WWOX: variants seen among roughly 807,000 people sequenced by gnomAD.
WWOX encodes WW domain containing oxidoreductase.
WWOX carries 69 observed loss-of-function variants against 46.2 expected under a neutral mutation model. The observed-to-expected ratio is 1.49, with a 90% CI of 1.23 to 1.82. The LOEUF (loss-of-function observed/expected upper bound fraction) is 1.82. Ranked by LOEUF, WWOX falls within the 40% of genes most tolerant of loss-of-function variation. The probability of loss-of-function intolerance (pLI) is 0.00; values close to 1 mark genes in which losing one functional copy is unlikely to be tolerated. For synonymous variants in WWOX, 359 were observed against 202.6 expected (o/e 1.77, Z -6.56); for missense variants, 919 against 542.6 (o/e 1.69, Z -6.89).
At chr16:78,704,815 G>C (rs2048297536) in intron 8 of WWOX, among the ~76,000 whole-genome samples, 1 of 152,102 alleles carries the variant, frequency 6.6e-6, no homozygotes, top group South Asian at 2.1e-4. Flanking sequence ...GAAAACAACT[G>C]AGGCTGAGCA....
intron 8 of WWOX, among the ~76,000 whole-genome samples, chr16:78,999,007 C>G (rs937342812): frequency 2.6e-5 from 4 of 152,312 alleles, no homozygotes; most frequent in African/African-American, 9.6e-5. Flanking sequence ...AATATTCCAC[C>G]TTCTAGGAAC....
intron 8 of WWOX, among the ~76,000 whole-genome samples, chr16:79,008,697 C>G (rs908655695): frequency 9.9e-5 from 15 of 152,226 alleles, no homozygotes; most frequent in Non-Finnish European, 1.6e-4. Flanking sequence ...ACTCCCTTCA[C>G]TCCCTCCAGC....
intron 8 of WWOX, among the ~76,000 whole-genome samples, chr16:78,705,830 C>A (rs551382246): frequency 6.6e-6 from 1 of 152,230 alleles, no homozygotes; most frequent in South Asian, 2.1e-4. Context: ...AAACCCTATT[C>A]CTATTCCTAC....
At chr16:78,865,936 G>A (rs1480105281) in intron 8 of WWOX, among the ~76,000 whole-genome samples, 1 of 152,172 alleles carries the variant, frequency 6.6e-6, no homozygotes, top group Non-Finnish European at 1.5e-5. Flanking sequence ...AATCATATCT[G>A]TGATTGTTTT....
intron 8 of WWOX, among the ~76,000 whole-genome samples, chr16:78,665,278 G>C (rs2047304490): frequency 6.6e-6 from 1 of 152,162 alleles, no homozygotes; most frequent in South Asian, 2.1e-4. Context: ...CTAAGGGAGT[G>C]TAGAGAAGAG....
intron 8 of WWOX, among the ~76,000 whole-genome samples, chr16:78,631,825 C>G (rs1180035595): frequency 3.3e-5 from 5 of 152,150 alleles, no homozygotes. Context: ...CATACCCAGC[C>G]AAAATATTCT....
chr16:78,197,676 G>T (rs1055247223), intron 5 of WWOX, among the ~76,000 whole-genome samples: 1 of 152,238 alleles, frequency 6.6e-6, no homozygotes, highest in African/African-American at 2.4e-5. Context: ...TTTATTGCAT[G>T]CCAAACGTTT....
intron 4 of WWOX, among the ~76,000 whole-genome samples, chr16:78,135,254 G>A (rs1384603241): frequency 2.6e-5 from 4 of 152,174 alleles, no homozygotes; most frequent in Admixed American, 6.5e-5. Context: ...AATGTACCAC[G>A]TGCCTTTTCA....
chr16:78,584,967 G>A (rs1162640255), intron 8 of WWOX, among the ~76,000 whole-genome samples: 1 of 152,198 alleles, frequency 6.6e-6, no homozygotes, highest in East Asian at 1.9e-4. Flanking sequence ...CAACTGAGGT[G>A]CCTGAGGGTT....
intron 5 of WWOX, among the ~76,000 whole-genome samples, chr16:78,306,035 G>A (rs1402563993): frequency 1.3e-5 from 2 of 151,784 alleles, no homozygotes; most frequent in Non-Finnish European, 2.9e-5. Flanking sequence ...CAATCAATTC[G>A]AGCTGTGTTT....
chr16:79,072,395 C>A (rs1429004583), intron 8 of WWOX, among the ~76,000 whole-genome samples: 1 of 152,172 alleles, frequency 6.6e-6, no homozygotes, highest in African/African-American at 2.4e-5. Flanking sequence ...AGGCATGAGA[C>A]CTCCACATGG....
chr16:78,482,102 T>A (rs1454880369), intron 8 of WWOX, among the ~76,000 whole-genome samples: 2 of 152,206 alleles, frequency 1.3e-5, no homozygotes, highest in African/African-American at 2.4e-5. Context: ...GTGGATATTA[T>A]ACATTTATTT....
In WWOX at chr16:78,850,296, G is replaced by A. The variant is rs139372289; in HGVS notation, c.1057-361312G>A. On this transcript the variant is annotated intron_variant, in intron 8 of 8. Coordinates refer to ENST00000566780, the MANE Select transcript of WWOX (RefSeq NM_016373.4). ...TTAACCCATTCAGATTTTCCCCTAT[G>A]AATGAGTTTTTTCGCCTCCATAATA... Among the ~76,000 whole-genome samples the A allele has an allele frequency of 2.8e-3, 426 of 152,226 alleles. 4 individuals carry two copies. Among genetic ancestry groups the A allele is most frequent in the African/African-American group, 9.9e-3 (413 of 41,522 alleles).
At chr16:78,774,535 CGT>C (rs1567551016) in intron 8 of WWOX, among the ~76,000 whole-genome samples, 1 of 136,464 alleles carries the variant, frequency 7.3e-6, no homozygotes, top group Non-Finnish European at 1.6e-5. Context: ...TGTGTGTGCG[CGT>C]GCGCACACGC....
At chr16:78,906,224 C>G (rs554813588) in intron 8 of WWOX, among the ~76,000 whole-genome samples, 2 of 152,240 alleles carry the variant, frequency 1.3e-5, no homozygotes, top group African/African-American at 2.4e-5. Flanking sequence ...CTCCCTGGGC[C>G]TTGAGATAGC....
At chr16:78,105,057 C>A (rs1022053198) in intron 1 of WWOX, among the ~76,000 whole-genome samples, 1 of 152,220 alleles carries the variant, frequency 6.6e-6, no homozygotes, top group Non-Finnish European at 1.5e-5. Context: ...TTGTGTCCTG[C>A]AGGGGACGGC....
At chr16:78,374,831 C>T (rs531370411) in intron 5 of WWOX, among the ~76,000 whole-genome samples, 55 of 151,960 alleles carry the variant, frequency 3.6e-4, no homozygotes, top group African/African-American at 1.3e-3. Flanking sequence ...ATTACAGGCA[C>T]GAGTCTCCGC....
intron 8 of WWOX, among the ~76,000 whole-genome samples, chr16:78,630,943 C>T (rs563359304): frequency 8.5e-5 from 13 of 152,206 alleles, no homozygotes; most frequent in South Asian, 2.1e-4. Flanking sequence ...TTCGAACAAA[C>T]GGAGGGTGGT....
intron 8 of WWOX, among the ~76,000 whole-genome samples, chr16:78,864,461 G>A (rs954110870): frequency 7.2e-5 from 11 of 151,898 alleles, no homozygotes; most frequent in Non-Finnish European, 1.5e-4. Flanking sequence ...TAGAGGCAAG[G>A]TTTCTCCATG....
Sources: allele counts gnomAD v4.1 joint callset (sites outside exome capture counted in the v4.1 genomes callset), GRCh38; gene constraint gnomAD v4.1.1; transcripts MANE v1.5; gene names NCBI Gene and HGNC (gene_info 2026-07-23, HGNC 2026-07-21).